The following STK4 variants were observed in gnomAD, a reference collection of about 807,000 sequenced individuals.
STK4 encodes the protein serine/threonine kinase 4.
Under a neutral mutation model 64.9 loss-of-function variants are expected in STK4, and 30 were observed. The ratio of observed to expected loss-of-function variants is 0.46; its 90% CI spans 0.35 to 0.63. The LOEUF (loss-of-function observed/expected upper bound fraction) is 0.63. STK4 is among the 20% of genes least tolerant of loss of function. STK4 has a pLI of 0.01. For missense variants in STK4, 466 were observed against 598.5 expected (o/e 0.78, Z 2.31); for synonymous variants, 177 against 199.0 (o/e 0.89, Z 0.93).
In STK4 at chr20:45,066,181, T is replaced by A. The variant is rs1979553223; in HGVS notation, c.1306-8837T>A. Among the ~76,000 whole-genome samples, 7 of 147,622 alleles carry A rather than the reference T, an allele frequency of 4.7e-5. No homozygotes were observed. In the South Asian group the frequency reaches 1.5e-3, roughly 32 times the overall value. On this transcript the variant is annotated intron_variant, in intron 10 of 10. Coordinates refer to ENST00000372806, the MANE Select transcript of STK4 (RefSeq NM_006282.5). Reference sequence around the variant, plus strand: ...CATATGTATATACACATTATATATCTACACACACACACACACACACACACA... The same window carrying A: ...CATATGTATATACACATTATATATCAACACACACACACACACACACACACA...
At chr20:44,973,818 A>G (rs2067293286) in intron 2 of STK4, among the ~76,000 whole-genome samples, 1 of 152,196 alleles carries the variant, frequency 6.6e-6, no homozygotes, top group Non-Finnish European at 1.5e-5. Flanking sequence ...TAATTGGGGT[A>G]AAGTATAGTG....
At chr20:44,967,243 C>T (rs1385141166) in intron 1 of STK4, 3 of 984,992 alleles carry the variant, frequency 3.0e-6, no homozygotes, top group Non-Finnish European at 3.6e-6. Flanking sequence ...TCACATCCTC[C>T]TCAGCTCTTC....
intron 9 of STK4, among the ~76,000 whole-genome samples, chr20:45,001,637 C>G (rs2067843712): frequency 6.6e-6 from 1 of 152,132 alleles, no homozygotes; most frequent in Non-Finnish European, 1.5e-5. Flanking sequence ...CCTTCCTTAC[C>G]TTGATCTTTG....
At chr20:44,980,785 C>T (rs2067424004) in intron 3 of STK4, among the ~76,000 whole-genome samples, 1 of 152,072 alleles carries the variant, frequency 6.6e-6, no homozygotes, top group African/African-American at 2.4e-5. Context: ...TCTCCTGCCT[C>T]AGCCTCCTGA....
rs1980781530 is a variant in STK4, at chr20:45,079,978, T to C, written c.*4802T>C. The C allele has an allele frequency of 6.6e-6, 1 of 152,228 alleles. No individual in the cohort carries two copies. The highest frequency in any genetic ancestry group is 2.4e-5 in the African/African-American group (1 of 41,462). 9.4% of individuals were successfully genotyped at this position (152,228 alleles called of 1,614,324 possible). A position where few individuals can be genotyped will look rare whatever the true frequency, so the allele number is the denominator to read the frequency against. ...ACCCTTATTAACGAGAACCTCAATA[T>C]ATAGCCTGGATAATGGTGTTGTGAA... On this transcript the variant is annotated 3_prime_UTR_variant, in exon 11 of 11. Transcript: ENST00000372806.
rs140133525 is a variant in STK4 at position 45,077,385 on chromosome 20, G to GTC, written c.*2221_*2222dup. 0.25 allele frequency: 37,529 copies of GTC among 151,908 alleles called. 5,438 individuals are homozygous for GTC. The highest frequency in any genetic ancestry group is 0.42 in the Middle Eastern group (125 of 296). The allele number at this position is 151,908 out of a possible 1,614,324, so 9.4% of individuals were successfully genotyped here. A position where few individuals can be genotyped will look rare whatever the true frequency, so the allele number is the denominator to read the frequency against. ...ATTTGCTGTGCGAATTAATAGTTCT[G>GTC]TCTCTCTCTCTCTTTCTTTTTTCTT... On this transcript the variant is annotated 3_prime_UTR_variant, in exon 11 of 11. Coordinates refer to ENST00000372806, the MANE Select transcript of STK4 (RefSeq NM_006282.5).
intron 4 of STK4, among the ~76,000 whole-genome samples, chr20:44,984,795 T>TC (rs1266647602): frequency 2.0e-5 from 3 of 152,038 alleles, no homozygotes; most frequent in African/African-American, 7.2e-5. Context: ...TCTTTTTTTT[T>TC]TTCAAAGATA....
At chr20:45,074,921 C>A in intron 10 of STK4, 97 bp from the exon 11 acceptor site, 1 of 1,465,096 alleles carries the variant, frequency 6.8e-7, no homozygotes, top group Non-Finnish European at 9.4e-7. Flanking sequence ...TTCCTCCTGT[C>A]TCCCTTCCCT....
chr20:45,031,545 A>G (rs888478393), intron 10 of STK4, among the ~76,000 whole-genome samples: 6 of 152,212 alleles, frequency 3.9e-5, no homozygotes, highest in African/African-American at 1.4e-4. Context: ...AGTTTAAAAC[A>G]GAGGAATGGA....
At chr20:44,996,796 T>G (rs1234561765) in intron 6 of STK4, among the ~76,000 whole-genome samples, 2 of 152,142 alleles carry the variant, frequency 1.3e-5, no homozygotes, top group South Asian at 4.1e-4. Context: ...GTAATAACTT[T>G]TAAGAGGCAG....
rs2145653297 is a variant in STK4, at chr20:44,981,937, T to C, written c.354T>C (p.Asn118=). Residue 118 remains asparagine, a synonymous_variant, in exon 4 of 11, where the codon AAT becomes AAC. Transcript: ENST00000372806. ...GSVSDIIRLR[N]KTLTEDEIAT... is the part of the protein sequence containing the mutation. ...TATCTGATATCATTCGATTACGAAATAAAACGGTAGGTTTACCTTCTAGAA... is the reference window on the plus strand; with the variant it reads ...TATCTGATATCATTCGATTACGAAACAAAACGGTAGGTTTACCTTCTAGAA... 1 of 1,610,290 alleles carries C rather than the reference T, an allele frequency of 6.2e-7. No homozygotes were observed. Among genetic ancestry groups the C allele is most frequent in the Non-Finnish European group, 8.5e-7 (1 of 1,176,548 alleles).
At chr20:45,045,538 C>T (rs1231433146) in intron 10 of STK4, among the ~76,000 whole-genome samples, 1 of 152,138 alleles carries the variant, frequency 6.6e-6, no homozygotes, top group African/African-American at 2.4e-5. Context: ...CTACAGTAAC[C>T]AGGAAGAATG....
rs1980404746 is a variant in STK4, at chr20:45,075,080, G to A, written c.1368G>A (p.Glu456=). The A allele has an allele frequency of 6.2e-7, 1 of 1,614,196 alleles. No homozygotes were observed. The highest frequency in any genetic ancestry group is 8.5e-7 in the Non-Finnish European group (1 of 1,180,038). Reference sequence around the variant, plus strand: ...TCTTGGCCCTGGACCCCATGATGGAGCAGGAGATTGAAGAGATCCGGCAGA... The same window carrying A: ...TCTTGGCCCTGGACCCCATGATGGAACAGGAGATTGAAGAGATCCGGCAGA... ...KRLLALDPMM[E]QEIEEIRQKY... The change falls in exon 11 of 11, where the codon GAG becomes GAA. Residue 456 remains glutamate, a synonymous_variant. Coordinates refer to ENST00000372806, the MANE Select transcript of STK4 (RefSeq NM_006282.5).
At chr20:45,048,389 C>T (rs996829094) in intron 10 of STK4, among the ~76,000 whole-genome samples, 16 of 152,080 alleles carry the variant, frequency 1.1e-4, no homozygotes, top group African/African-American at 3.6e-4. Flanking sequence ...CATGGATGAA[C>T]TACTGGAAAA....
chr20:44,967,391 C>T (rs1275737653), intron 1 of STK4: 1 of 227,860 alleles, frequency 4.4e-6, no homozygotes, highest in Admixed American at 6.5e-5. Flanking sequence ...CCTTTTCAGG[C>T]CTCAGTTGTT....
At chr20:45,017,379 G>C (rs2068161219) in intron 9 of STK4, among the ~76,000 whole-genome samples, 1 of 152,180 alleles carries the variant, frequency 6.6e-6, no homozygotes, top group African/African-American at 2.4e-5. Flanking sequence ...AATATACTAA[G>C]ACAAATGCTA....
At chr20:45,064,112 G>A (rs184384478) in intron 10 of STK4, among the ~76,000 whole-genome samples, 6 of 152,126 alleles carry the variant, frequency 3.9e-5, no homozygotes, top group East Asian at 1.9e-4. Flanking sequence ...CCGGCCAAGG[G>A]GGGGGGTCCA....
intron 9 of STK4, among the ~76,000 whole-genome samples, chr20:45,002,854 G>A (rs1302044972): frequency 6.6e-6 from 1 of 151,500 alleles, no homozygotes; most frequent in East Asian, 1.9e-4. Flanking sequence ...AGGCTTCAAA[G>A]TCCTGATTTA....
chr20:45,022,777 C>T (rs2068270820), intron 9 of STK4, among the ~76,000 whole-genome samples: 1 of 152,014 alleles, frequency 6.6e-6, no homozygotes, highest in Non-Finnish European at 1.5e-5. Context: ...TTGTAAATTC[C>T]ATTGGAGAAA....
Sources: allele counts gnomAD v4.1 joint callset (sites outside exome capture counted in the v4.1 genomes callset), GRCh38; gene constraint gnomAD v4.1.1; transcripts MANE v1.5; gene names NCBI Gene and HGNC (gene_info 2026-07-23, HGNC 2026-07-21).